Variants in RBBP8 observed in about 807,000 individuals in gnomAD.
The protein encoded by RBBP8 is RB binding protein 8, endonuclease, also known as DNA endonuclease RBBP8.
RBBP8 carries 88 observed loss-of-function variants against 108.3 expected under a neutral mutation model. The ratio of observed to expected loss-of-function variants is 0.81; its 90% CI spans 0.68 to 0.97. The LOEUF (loss-of-function observed/expected upper bound fraction) is 0.97, where lower values mean the gene tolerates loss of function less well. RBBP8 is among the 50% of genes least tolerant of loss of function. The probability of loss-of-function intolerance (pLI) is 0.00; values close to 1 mark genes in which losing one functional copy is unlikely to be tolerated. For synonymous variants in RBBP8, 332 were observed against 348.2 expected (o/e 0.95, Z 0.52); for missense variants, 1,023 against 1,049.0 (o/e 0.98, Z 0.34).
intron 5 of RBBP8, among the ~76,000 whole-genome samples, chr18:22,970,092 C>T (rs1228575224): frequency 6.6e-6 from 1 of 152,212 alleles, no homozygotes; most frequent in Admixed American, 6.5e-5. Flanking sequence ...TTTAAATCAT[C>T]TCTAGATTCC....
intron 4 of RBBP8, among the ~76,000 whole-genome samples, chr18:22,955,352 CTCT>C (rs1912424889): frequency 6.6e-6 from 1 of 152,114 alleles, no homozygotes; most frequent in Non-Finnish European, 1.5e-5. Context: ...AAAGATTTAT[CTCT>C]TGTTTCATGA....
chr18:23,012,026 C>G (rs940272441), intron 16 of RBBP8, among the ~76,000 whole-genome samples: 1 of 151,746 alleles, frequency 6.6e-6, no homozygotes, highest in African/African-American at 2.4e-5. Flanking sequence ...CATGGAAGAA[C>G]TCCATCTCTA....
chr18:22,964,416 ATGTTCTTGAT>A (rs1181784794), intron 4 of RBBP8, among the ~76,000 whole-genome samples: 2 of 138,238 alleles, frequency 1.4e-5, no homozygotes, highest in Non-Finnish European at 3.1e-5. Context: ...GTAGTGGGCC[ATGTTCTTGAT>A]TTTCTTCACT....
chr18:22,925,325 C>G (rs114154332), intron 3 of RBBP8, among the ~76,000 whole-genome samples: 2,533 of 152,290 alleles, frequency 0.017, 75 homozygotes, highest in African/African-American at 0.058. Flanking sequence ...AGCTAAAACT[C>G]AGGATCTCCT....
intron 15 of RBBP8, 71 bp downstream of exon 15, chr18:23,001,800 T>C: frequency 6.5e-7 from 1 of 1,540,534 alleles, no homozygotes; most frequent in Non-Finnish European, 9.0e-7. Flanking sequence ...TCAAGCTAAT[T>C]AACAAAGGCT....
chr18:22,952,265 A>C (rs1002894125), intron 4 of RBBP8, among the ~76,000 whole-genome samples: 4 of 152,208 alleles, frequency 2.6e-5, no homozygotes, highest in Non-Finnish European at 4.4e-5. Flanking sequence ...AATGTCAAGT[A>C]GATAGATGTA....
chr18:22,930,833 ACAAT>A (rs1909996407), upstream of RBBP8, among the ~76,000 whole-genome samples: 1 of 152,108 alleles, frequency 6.6e-6, no homozygotes, highest in African/African-American at 2.4e-5. Context: ...GTACAGTGGC[ACAAT>A]CATAGTTCAC....
intron 18 of RBBP8, among the ~76,000 whole-genome samples, 158 bp from the exon 19 acceptor site, chr18:23,025,985 G>A (rs2144873387): frequency 6.6e-6 from 1 of 152,298 alleles, no homozygotes; most frequent in East Asian, 1.9e-4. Context: ...GGAAACTGAT[G>A]CTAAATAGTG....
At chr18:22,930,068 G>A (rs1157309111), upstream of RBBP8, among the ~76,000 whole-genome samples, 1 of 152,182 alleles carries the variant, frequency 6.6e-6, no homozygotes, top group Non-Finnish European at 1.5e-5. Flanking sequence ...AATGGCTTGA[G>A]TTAGATGACT....
chr18:23,004,575 G>A (rs956528656), intron 15 of RBBP8: 35 of 152,432 alleles, frequency 2.3e-4, no homozygotes, highest in African/African-American at 8.4e-4. Context: ...CAAGGTGGCA[G>A]GCACCCATAG....
chr18:22,996,283 A>C (rs1201123857), intron 12 of RBBP8, 91 bp from the exon 13 acceptor site: 2 of 1,548,302 alleles, frequency 1.3e-6, no homozygotes, highest in Non-Finnish European at 1.7e-6. Context: ...ATTTGCAAAA[A>C]TTTTCTATTC....
At position 22,997,945 on chromosome 18, in the gene RBBP8, A is replaced by G. The variant is rs565632516; in HGVS notation, c.2143+211A>G. 7.2e-5 allele frequency among the ~76,000 whole-genome samples: 11 copies of G among 152,318 alleles called. No individual in the cohort carries two copies. The South Asian group carries it at 2.3e-3, about 32-fold the overall frequency. ...ACTAATTTCATTTCAGAAAAGATTCATATGGCTTCCAGGGATTTGCAAATG... is the reference window on the plus strand; with the variant it reads ...ACTAATTTCATTTCAGAAAAGATTCGTATGGCTTCCAGGGATTTGCAAATG... On this transcript the variant is annotated intron_variant, in intron 14 of 18. Coordinates refer to ENST00000327155, the MANE Select transcript of RBBP8 (RefSeq NM_002894.3).
chr18:22,944,232 A>G (rs117310171), intron 2 of RBBP8, among the ~76,000 whole-genome samples: 18 of 152,368 alleles, frequency 1.2e-4, no homozygotes, highest in Non-Finnish European at 2.2e-4. Flanking sequence ...AGGGTGATCT[A>G]CGTGACAGAA....
upstream of RBBP8, chr18:22,929,523 G>GGTGTGTGTGTGTGT (rs71161348): frequency 1.9e-4 from 22 of 118,584 alleles, 1 homozygote; most frequent in South Asian, 8.4e-4. Context: ...GAGACAGGCG[G>GGTGTGTGTGTGTGT]GTGTGTGTGT....
chr18:23,006,282 C>G, intron 15 of RBBP8, 81 bp from the exon 16 acceptor site: 2 of 1,215,140 alleles, frequency 1.6e-6, no homozygotes, highest in Non-Finnish European at 2.4e-6. Flanking sequence ...AGTTTGAGTG[C>G]GTGTCATTTT....
chr18:23,017,653 CAA>C (rs201428129), intron 17 of RBBP8, among the ~76,000 whole-genome samples: 3 of 96,940 alleles, frequency 3.1e-5, no homozygotes, highest in African/African-American at 1.1e-4. Context: ...GACTCCGTCT[CAA>C]AAAAAAAAAA....
intron 4 of RBBP8, among the ~76,000 whole-genome samples, chr18:22,968,074 A>C (rs548501148): frequency 1.3e-5 from 2 of 150,358 alleles, no homozygotes; most frequent in African/African-American, 2.5e-5. Context: ...TGACAAAAAA[A>C]AATTTTTTTT....
rs759738150 is a variant in RBBP8, at chr18:22,990,952, A to G, written c.823A>G (p.Met275Val). ...VQEESETQGP[M>V]SPLGDELYHC... is the part of the protein sequence containing the mutation. ...ACTCTTGAAGGAAACTCAAGGTCCC[A>G]TGAGCCCCCTTGGTGATGAGCTCTA... The change falls in exon 10 of 19, where the codon ATG (methionine) becomes GTG (valine). Residue 275 changes from methionine to valine, a missense_variant. Coordinates refer to ENST00000327155, the MANE Select transcript of RBBP8 (RefSeq NM_002894.3). The G allele has an allele frequency of 1.9e-6, 3 of 1,613,418 alleles. No individual in the cohort carries two copies. The highest frequency in any genetic ancestry group is 2.5e-6 in the Non-Finnish European group (3 of 1,179,406).
intron 6 of RBBP8, among the ~76,000 whole-genome samples, chr18:22,975,484 C>T (rs1430506256): frequency 6.6e-6 from 1 of 151,942 alleles, no homozygotes; most frequent in Non-Finnish European, 1.5e-5. Context: ...TATTAAAATA[C>T]TTATATTTCA....
Sources: allele counts gnomAD v4.1 joint callset (sites outside exome capture counted in the v4.1 genomes callset), GRCh38; gene constraint gnomAD v4.1.1; transcripts MANE v1.5; gene names NCBI Gene and HGNC (gene_info 2026-07-23, HGNC 2026-07-21).